Variants in NTRK3 observed in about 807,000 individuals in gnomAD.
NTRK3 encodes NT-3 growth factor receptor.
A neutral mutation model predicts 91.7 loss-of-function variants in NTRK3; 24 were observed. The observed-to-expected ratio is 0.26, with a 90% CI of 0.19 to 0.37. The LOEUF is 0.37. NTRK3 is among the 10% of genes least tolerant of loss of function. The probability of loss-of-function intolerance (pLI) is 1.00; values close to 1 mark genes in which losing one functional copy is unlikely to be tolerated. For synonymous variants in NTRK3, 483 were observed against 404.0 expected (o/e 1.20, Z -2.34); for missense variants, 880 against 1,068.9 (o/e 0.82, Z 2.46).
chr15:88,224,474 T>TG (rs2050510857), intron 3 of NTRK3, among the ~76,000 whole-genome samples: 1 of 152,180 alleles, frequency 6.6e-6, no homozygotes, highest in South Asian at 2.1e-4. Context: ...GAGGGGACCT[T>TG]GGGTACATTA....
At chr15:88,207,622 T>C (rs2048903510) in intron 3 of NTRK3, among the ~76,000 whole-genome samples, 1 of 152,214 alleles carries the variant, frequency 6.6e-6, no homozygotes, top group South Asian at 2.1e-4. Flanking sequence ...CTTCTTTGTC[T>C]TCTCAAAGGT....
intron 14 of NTRK3, chr15:87,979,310 G>C: frequency 1.4e-6 from 2 of 1,437,742 alleles, no homozygotes; most frequent in East Asian, 2.3e-5. Flanking sequence ...AGCCTACCAA[G>C]GTGACATCAA....
intron 14 of NTRK3, chr15:87,978,157 A>G (rs62019226): frequency 4.3e-6 from 1 of 230,102 alleles, no homozygotes; most frequent in African/African-American, 2.2e-5. Flanking sequence ...TGCCTTTCCT[A>G]CTGAAGAAGG....
chr15:87,877,205 C>T (rs959206328), intron 18 of NTRK3, 85 bp from the exon 20 acceptor site: 4 of 1,409,102 alleles, frequency 2.8e-6, no homozygotes, highest in Non-Finnish European at 4.0e-6. Context: ...GCAACAACTT[C>T]CCGGATTAGT....
chr15:88,244,109 G>A (rs1272299965), intron 3 of NTRK3, among the ~76,000 whole-genome samples: 2 of 152,092 alleles, frequency 1.3e-5, no homozygotes, highest in African/African-American at 4.8e-5. Flanking sequence ...CCCATGAATT[G>A]GAACCATAGA....
chr15:87,920,195 G>A (rs2067761891), intron 17 of NTRK3, among the ~76,000 whole-genome samples: 1 of 152,162 alleles, frequency 6.6e-6, no homozygotes, highest in South Asian at 2.1e-4. Flanking sequence ...TAATTAGTGT[G>A]CAGATCCACT....
intron 17 of NTRK3, among the ~76,000 whole-genome samples, chr15:87,900,690 G>GGT (rs61498493): frequency 0.043 from 5,884 of 137,898 alleles, 152 homozygotes; most frequent in African/African-American, 0.078. Context: ...CTTTACAGAG[G>GGT]GTGTGTGTGT....
chr15:88,201,777 T>C (rs145319844), intron 3 of NTRK3, among the ~76,000 whole-genome samples: 1 of 152,268 alleles, frequency 6.6e-6, no homozygotes, highest in East Asian at 1.9e-4. Flanking sequence ...GATGTTGGGC[T>C]TTTTCTTAAT....
At chr15:88,171,149 C>A (rs2151504798) in intron 5 of NTRK3, among the ~76,000 whole-genome samples, 1 of 152,338 alleles carries the variant, frequency 6.6e-6, no homozygotes, top group Middle Eastern at 3.4e-3. Context: ...GGACTCAGGG[C>A]TGAAGTGGGC....
intron 13 of NTRK3, among the ~76,000 whole-genome samples, chr15:88,053,797 A>C (rs1301245468): frequency 6.6e-6 from 1 of 152,250 alleles, no homozygotes; most frequent in African/African-American, 2.4e-5. Flanking sequence ...AGAGTTGTTA[A>C]GTTCAGACAT....
intron 3 of NTRK3, among the ~76,000 whole-genome samples, chr15:88,218,143 G>C (rs1372046527): frequency 6.6e-6 from 1 of 152,124 alleles, no homozygotes; most frequent in Non-Finnish European, 1.5e-5. Context: ...ACCATTTCTA[G>C]TCTAGCCTGA....
At chr15:87,871,700 AT>A (rs2064831190) in exon 19 of NTRK3, 1 of 227,980 alleles carries the variant, frequency 4.4e-6, no homozygotes, top group South Asian at 1.8e-4. Context: ...TCATCTCCAG[AT>A]TTCTTATCCC....
chr15:88,065,403 T>A (rs1246240233), intron 13 of NTRK3, among the ~76,000 whole-genome samples: 1 of 152,192 alleles, frequency 6.6e-6, no homozygotes, highest in Non-Finnish European at 1.5e-5. Context: ...AAAGCCCATA[T>A]GGTCCCTGTC....
chr15:88,226,813 T>G (rs191601493), intron 3 of NTRK3, among the ~76,000 whole-genome samples: 108 of 152,356 alleles, frequency 7.1e-4, no homozygotes, highest in African/African-American at 2.3e-3. Flanking sequence ...CCAAGTGTTT[T>G]GCAGAAATTA....
At chr15:87,896,575 T>C (rs2066138806) in intron 17 of NTRK3, among the ~76,000 whole-genome samples, 1 of 152,180 alleles carries the variant, frequency 6.6e-6, no homozygotes, top group Admixed American at 6.5e-5. Flanking sequence ...TTTCCTTCTT[T>C]TTATCCTGGT....
chr15:87,960,915 T>C (rs1019879518), intron 14 of NTRK3, among the ~76,000 whole-genome samples: 2 of 152,268 alleles, frequency 1.3e-5, no homozygotes, highest in South Asian at 4.1e-4. Flanking sequence ...TTCCCAATCA[T>C]TTCTCAAGCC....
At chr15:87,964,514 T>A (rs1196408412) in intron 14 of NTRK3, among the ~76,000 whole-genome samples, 1 of 152,078 alleles carries the variant, frequency 6.6e-6, no homozygotes, top group African/African-American at 2.4e-5. Flanking sequence ...TTACATACCA[T>A]AAAATTCACC....
At position 87,908,579 on chromosome 15, in the gene NTRK3, G is replaced by C. The variant is rs2066907928; in HGVS notation, c.2133+20612C>G. 5 of 399,360 alleles carry C rather than the reference G, an allele frequency of 1.3e-5. No individual in the cohort carries two copies. In the South Asian group the frequency reaches 6.4e-4, roughly 51 times the overall value. 24.7% of individuals were successfully genotyped at this position (399,360 alleles called of 1,614,324 possible). ...ATGGCCCTTCCTGACAGTGAATGAG[G>C]GGAGAGAGTGGGAAGGGGGAGAGAG... On this transcript the variant is annotated intron_variant, in intron 17 of 18. Coordinates refer to ENST00000394480, the Ensembl canonical transcript of NTRK3.
chr15:87,987,350 C>T (rs1386657754), intron 14 of NTRK3, among the ~76,000 whole-genome samples: 1 of 152,106 alleles, frequency 6.6e-6, no homozygotes, highest in Non-Finnish European at 1.5e-5. Context: ...ATGTTATCTC[C>T]TTGTAGTTTT....
Sources: allele counts gnomAD v4.1 joint callset (sites outside exome capture counted in the v4.1 genomes callset), GRCh38; gene constraint gnomAD v4.1.1; transcripts MANE v1.5; gene names NCBI Gene and HGNC (gene_info 2026-07-23, HGNC 2026-07-21).